ZBTB25: variants seen among roughly 807,000 people sequenced by gnomAD.
ZBTB25 encodes zinc finger and BTB domain-containing protein 25.
ZBTB25 carries 20 observed loss-of-function variants against 34.2 expected under a neutral mutation model. That is an observed-to-expected ratio of 0.58 (90% CI 0.41 to 0.85). The LOEUF is 0.85. Ranked by LOEUF, ZBTB25 falls within the 40% of genes least tolerant of loss-of-function variation. The pLI is 0.00. For synonymous variants in ZBTB25, 175 were observed against 186.4 expected, an observed-to-expected ratio of 0.94 and a Z score of 0.50; for missense variants, 437 against 521.8, an observed-to-expected ratio of 0.84 and a Z score of 1.58.
Position 64,500,454 on chromosome 14 carries a change from CAAAAA to C in ZBTB25, c.-8+3202_-8+3206del, listed in dbSNP as rs374975040. ...CTAAGCACTTTTTCTCCCAATAAAG[CAAAAA>C]AAAAAAAAAAAAAAAAAGAGAGAGA... On this transcript the variant is annotated intron_variant, in intron 1 of 2. Coordinates refer to ENST00000608382, the MANE Select transcript of ZBTB25 (RefSeq NM_006977.5). Among the ~76,000 whole-genome samples the C allele has an allele frequency of 2.7e-3, 143 of 52,078 alleles. 1 individual carries two copies. The highest frequency in any genetic ancestry group is 0.011 in the African/African-American group (133 of 12,240). 34.2% of individuals were successfully genotyped at this position (52,078 alleles called of 152,430 possible).
intron 1 of ZBTB25, among the ~76,000 whole-genome samples, chr14:64,494,358 C>T (rs1452336658): frequency 6.6e-6 from 1 of 152,200 alleles, no homozygotes; most frequent in Middle Eastern, 3.2e-3. Flanking sequence ...CTAGGCCAAG[C>T]GCAGTGGCCC....
At position 64,478,928 on chromosome 14, in the gene ZBTB25, C is replaced by G. The variant is rs2078746150; in HGVS notation, c.*7995G>C. The G allele has an allele frequency of 6.6e-6, 1 of 152,156 alleles. No homozygotes were observed. Among genetic ancestry groups the G allele is most frequent in the Non-Finnish European group, 1.5e-5 (1 of 68,026 alleles). 9.4% of individuals were successfully genotyped at this position (152,156 alleles called of 1,614,324 possible). On this transcript the variant is annotated 3_prime_UTR_variant, in exon 3 of 3. Coordinates refer to ENST00000608382, the MANE Select transcript of ZBTB25 (RefSeq NM_006977.5). ...CTACAATCTCAATTTCATGAAGAGA[C>G]CTCTTTGGGGAGACAATTATTTAGT... is the stretch of plus-strand genomic sequence containing the variant.
Position 64,503,355 on chromosome 14 carries a change from C to G in ZBTB25, c.-8+306G>C, listed in dbSNP as rs545647697. The G allele has an allele frequency of 1.5e-3, 1,487 of 985,394 alleles. 5 individuals carry two copies. Among genetic ancestry groups the G allele is most frequent in the South Asian group, 2.9e-3 (62 of 21,288 alleles). 61.0% of individuals were successfully genotyped at this position (985,394 alleles called of 1,614,324 possible). ...GGGGTTTCCTGCTGGGGGTCGCACC[C>G]GGACCCGCGGCCGGGACGGCTCTGC... On this transcript the variant is annotated intron_variant, in intron 1 of 2. Coordinates refer to ENST00000608382, the MANE Select transcript of ZBTB25 (RefSeq NM_006977.5).
intron 2 of ZBTB25, chr14:64,468,693 C>T (rs2230491): frequency 0.14 from 221,433 of 1,614,060 alleles, 16,729 homozygotes; most frequent in Non-Finnish European, 0.15. Flanking sequence ...CAGCAAAAGC[C>T]ATTGGAGGGT....
chr14:64,500,475 A>AAAAAAAAAAAAAG (rs35009526), intron 1 of ZBTB25, among the ~76,000 whole-genome samples: 890 of 70,410 alleles, frequency 0.013, no homozygotes, highest in East Asian at 0.022. Flanking sequence ...AAAAAAAAAA[A>AAAAAAAAAAAAAG]AGAGAGAGAG....
intron 2 of ZBTB25, among the ~76,000 whole-genome samples, chr14:64,450,651 A>G (rs1157751301): frequency 6.6e-6 from 1 of 152,140 alleles, no homozygotes; most frequent in Non-Finnish European, 1.5e-5. Flanking sequence ...GGAATATGAG[A>G]TATATGCTGT....
At chr14:64,469,354 T>G (rs2078643802) in intron 2 of ZBTB25, 1 of 1,613,780 alleles carries the variant, frequency 6.2e-7, no homozygotes, top group South Asian at 1.1e-5. Flanking sequence ...TTAAAGAAAA[T>G]GGGATCACTG....
At chr14:64,498,539 G>C (rs2079363401) in intron 1 of ZBTB25, among the ~76,000 whole-genome samples, 1 of 152,180 alleles carries the variant, frequency 6.6e-6, no homozygotes. Context: ...TTGAACTCCT[G>C]ACCTCAGGCG....
chr14:64,504,541 G>T (rs919041513), upstream of ZBTB25: 1 of 179,458 alleles, frequency 5.6e-6, no homozygotes, highest in Admixed American at 6.3e-5. Context: ...CGGCCCCCGC[G>T]GTGCGGGTTG....
intron 1 of ZBTB25, among the ~76,000 whole-genome samples, chr14:64,498,152 T>C (rs1257075810): frequency 2.0e-5 from 3 of 152,236 alleles, no homozygotes; most frequent in African/African-American, 7.2e-5. Context: ...ATGTAGAGAA[T>C]GAAACAATGT....
At chr14:64,472,780 T>A (rs1201311514) in intron 2 of ZBTB25, 2 of 166,944 alleles carry the variant, frequency 1.2e-5, no homozygotes, top group East Asian at 3.8e-4. Context: ...TCATAAAATA[T>A]TTTTCTTGTA....
chr14:64,497,624 CT>C (rs1484528475), intron 1 of ZBTB25, among the ~76,000 whole-genome samples: 1 of 151,996 alleles, frequency 6.6e-6, no homozygotes, highest in East Asian at 1.9e-4. Flanking sequence ...TTACAAAAAC[CT>C]TCTTTACCTT....
At chr14:64,503,293 G>A (rs1197705799) in intron 1 of ZBTB25, 4 of 985,338 alleles carry the variant, frequency 4.1e-6, no homozygotes, top group Non-Finnish European at 4.8e-6. Context: ...GCTCGTAAGA[G>A]GGGTCGGCGC....
Position 64,478,518 on chromosome 14 carries a change from C to T in ZBTB25, c.*8405G>A, listed in dbSNP as rs1157295241. 2 of 152,152 alleles carry T rather than the reference C, an allele frequency of 1.3e-5. No individual in the cohort carries two copies. The highest frequency in any genetic ancestry group is 4.8e-5 in the African/African-American group (2 of 41,432). The allele number at this position is 152,152 out of a possible 1,614,324, so 9.4% of individuals were successfully genotyped here. ...AAATGTCCTTCAATCTATGTCTTGA[C>T]CAGGCAGAACACCAAAAACTGAGTG... On this transcript the variant is annotated 3_prime_UTR_variant, in exon 3 of 3. Transcript: ENST00000608382.
chr14:64,458,815 A>G (rs1213024984), intron 2 of ZBTB25, among the ~76,000 whole-genome samples: 1 of 152,210 alleles, frequency 6.6e-6, no homozygotes, highest in African/African-American at 2.4e-5. Flanking sequence ...ACCGACTGCA[A>G]TGAGTGACAT....
Position 64,464,036 on chromosome 14 carries a change from AT to A in ZBTB25, c.174-14399del, listed in dbSNP as rs3062428. ...TTGCTGAGTGAACAAGGCTGACTGA[AT>A]TTTTTTTTTTTTTTGAGGCAGGGTC... On this transcript the variant is annotated intron_variant, in intron 2 of 2. Transcript: ENST00000555220. 5.4e-3 allele frequency among the ~76,000 whole-genome samples: 779 copies of A among 145,188 alleles called. 7 individuals carry two copies. Among genetic ancestry groups the A allele is most frequent in the Middle Eastern group, 0.014 (4 of 284 alleles).
chr14:64,489,262 T>A (rs2078988589), intron 2 of ZBTB25, among the ~76,000 whole-genome samples: 1 of 151,216 alleles, frequency 6.6e-6, no homozygotes, highest in African/African-American at 2.4e-5. Flanking sequence ...AGAGCTAGAC[T>A]CCGTCTCAAA....
chr14:64,486,345 G>C lies in ZBTB25; in HGVS notation c.*578C>G. The C allele has an allele frequency of 1.0e-6, 1 of 985,084 alleles. No homozygotes were observed. The highest frequency in any genetic ancestry group is 1.2e-6 in the Non-Finnish European group (1 of 829,836). The allele number at this position is 985,084 out of a possible 1,614,324, so 61.0% of individuals were successfully genotyped here. A position where few individuals can be genotyped will look rare whatever the true frequency, so the allele number is the denominator to read the frequency against. ...ACTCAATGTTAAAAAGTAAAGAGAA[G>C]CCATGTAGGTAAGATGTTGTGGAGC... On this transcript the variant is annotated 3_prime_UTR_variant, in exon 3 of 3. Transcript: ENST00000608382.
At chr14:64,503,349 C>T in intron 1 of ZBTB25, 8 of 985,386 alleles carry the variant, frequency 8.1e-6, no homozygotes, top group Non-Finnish European at 9.6e-6. Context: ...TGCTGGGGGT[C>T]GCACCCGGAC....
Sources: allele counts gnomAD v4.1 joint callset (sites outside exome capture counted in the v4.1 genomes callset), GRCh38; gene constraint gnomAD v4.1.1; transcripts MANE v1.5; gene names NCBI Gene and HGNC (gene_info 2026-07-23, HGNC 2026-07-21).